FHIT: variants seen among roughly 807,000 people sequenced by gnomAD.
The protein encoded by FHIT is bis(5'-adenosyl)-triphosphatase.
FHIT carries 19 observed loss-of-function variants against 17.9 expected under a neutral mutation model. The observed-to-expected ratio is 1.06, with a 90% CI of 0.74 to 1.56. The LOEUF is 1.56. FHIT is among the 40% of genes most tolerant of loss of function. The pLI is 0.00. For missense variants in FHIT, 248 were observed against 189.2 expected, an observed-to-expected ratio of 1.31 and a Z score of -1.82; for synonymous variants, 81 against 69.7, an observed-to-expected ratio of 1.16 and a Z score of -0.81.
chr3:61,187,691 C>T (rs1576174884), intron 2 of FHIT, among the ~76,000 whole-genome samples: 1 of 152,196 alleles, frequency 6.6e-6, no homozygotes, highest in East Asian at 1.9e-4. Context: ...GTAAAGCTCT[C>T]CTCAGCAAAT....
intron 5 of FHIT, among the ~76,000 whole-genome samples, chr3:60,494,594 C>G (rs963014247): frequency 1.3e-5 from 2 of 152,006 alleles, no homozygotes; most frequent in Admixed American, 6.6e-5. Flanking sequence ...ACTCATTAAC[C>G]ATACCCACAC....
intron 8 of FHIT, among the ~76,000 whole-genome samples, chr3:59,869,612 G>C (rs1702825597): frequency 2.0e-5 from 3 of 149,270 alleles, no homozygotes; most frequent in South Asian, 4.3e-4. Flanking sequence ...CTCCCTAGTA[G>C]CTGGGACTAC....
At chr3:59,872,331 C>G (rs888288384) in intron 8 of FHIT, among the ~76,000 whole-genome samples, 1 of 152,158 alleles carries the variant, frequency 6.6e-6, no homozygotes, top group East Asian at 1.9e-4. Flanking sequence ...TCACAACATA[C>G]TGAGTTCATG....
At chr3:60,418,528 G>A (rs1702349717) in intron 5 of FHIT, among the ~76,000 whole-genome samples, 1 of 137,082 alleles carries the variant, frequency 7.3e-6, no homozygotes, top group South Asian at 2.4e-4. Context: ...ACAGTTAACT[G>A]AAAGTCAACT....
In FHIT at chr3:60,690,265, G is replaced by C. The variant is rs1302572194; in HGVS notation, c.-18+131654C>G. 3 of 547,312 alleles carry C rather than the reference G, an allele frequency of 5.5e-6. No homozygotes were observed. The East Asian group carries it at 1.4e-4, about 25-fold the overall frequency. The allele number at this position is 547,312 out of a possible 1,614,324, so 33.9% of individuals were successfully genotyped here. ...GTCAGCAATAGTGACCTTCTTGCTA[G>C]TCTTGCCATTCCTGAACACAAAGCG... On this transcript the variant is annotated intron_variant, in intron 4 of 9. Coordinates refer to ENST00000492590, the MANE Select transcript of FHIT (RefSeq NM_002012.4).
chr3:60,174,199 C>T (rs553168095), intron 5 of FHIT, among the ~76,000 whole-genome samples: 3 of 151,576 alleles, frequency 2.0e-5, no homozygotes, highest in Admixed American at 6.6e-5. Flanking sequence ...CGTGAGCCAC[C>T]GTGCCTGGCC....
chr3:59,985,757 G>C (rs1255593931), intron 7 of FHIT, among the ~76,000 whole-genome samples: 1 of 152,236 alleles, frequency 6.6e-6, no homozygotes, highest in East Asian at 1.9e-4. Flanking sequence ...GCCCTTAAGA[G>C]ACATTATTAA....
intron 4 of FHIT, among the ~76,000 whole-genome samples, chr3:60,773,405 A>G (rs2108078867): frequency 6.6e-6 from 1 of 152,336 alleles, no homozygotes. Flanking sequence ...CCGTCAATGC[A>G]ATTTTCTTGA....
chr3:59,862,470 A>G (rs1436859236), intron 8 of FHIT, among the ~76,000 whole-genome samples: 1 of 152,168 alleles, frequency 6.6e-6, no homozygotes, highest in Non-Finnish European at 1.5e-5. Flanking sequence ...ACCAATGACC[A>G]TCCAGCAAGA....
intron 4 of FHIT, among the ~76,000 whole-genome samples, chr3:60,597,808 T>G (rs1553667178): frequency 1.3e-5 from 2 of 152,132 alleles, no homozygotes; most frequent in African/African-American, 4.8e-5. Flanking sequence ...AAGTTCAAAA[T>G]GACCAAGCTA....
At chr3:60,470,539 G>A (rs1306976878) in intron 5 of FHIT, among the ~76,000 whole-genome samples, 9 of 151,846 alleles carry the variant, frequency 5.9e-5, no homozygotes, top group African/African-American at 1.5e-4. Flanking sequence ...ACATTCACTC[G>A]AGGTCCAAGG....
At chr3:60,489,201 C>T (rs391000) in intron 5 of FHIT, among the ~76,000 whole-genome samples, 6,705 of 152,172 alleles carry the variant, frequency 0.044, 189 homozygotes, top group Middle Eastern at 0.11. Flanking sequence ...AGTACCTATT[C>T]GTTTTACTCA....
chr3:60,331,265 A>G (rs932864201), intron 5 of FHIT, among the ~76,000 whole-genome samples: 1 of 151,954 alleles, frequency 6.6e-6, no homozygotes. Context: ...TGCACCTCTC[A>G]GTGCCCTTTC....
At chr3:60,864,044 G>T (rs1453858083) in intron 3 of FHIT, among the ~76,000 whole-genome samples, 1 of 152,148 alleles carries the variant, frequency 6.6e-6, no homozygotes, top group African/African-American at 2.4e-5. Context: ...TGAAGGAGGA[G>T]CAAAGGTACA....
chr3:60,468,984 A>G (rs1392038311), intron 5 of FHIT, among the ~76,000 whole-genome samples: 1 of 152,148 alleles, frequency 6.6e-6, no homozygotes, highest in Non-Finnish European at 1.5e-5. Flanking sequence ...TACTTTAAAT[A>G]TGTAATATCA....
intron 5 of FHIT, among the ~76,000 whole-genome samples, chr3:60,169,327 C>G (rs993014633): frequency 2.6e-5 from 4 of 152,104 alleles, no homozygotes; most frequent in Admixed American, 2.0e-4. Context: ...TGTGGTTATT[C>G]CGGGCTCCAC....
intron 7 of FHIT, among the ~76,000 whole-genome samples, chr3:59,942,505 G>GTC (rs1459700002): frequency 3.3e-5 from 5 of 152,144 alleles, no homozygotes; most frequent in Admixed American, 6.5e-5. Context: ...ACAGAACAAA[G>GTC]GCTTTGCATT....
At chr3:60,277,855 C>T (rs1707231749) in intron 5 of FHIT, among the ~76,000 whole-genome samples, 1 of 152,156 alleles carries the variant, frequency 6.6e-6, no homozygotes, top group Middle Eastern at 3.4e-3. Flanking sequence ...TGACAAATCT[C>T]GGATATTATC....
At chr3:61,134,021 G>A (rs889159776) in intron 2 of FHIT, among the ~76,000 whole-genome samples, 5 of 151,688 alleles carry the variant, frequency 3.3e-5, no homozygotes, top group East Asian at 3.9e-4. Context: ...CTCGGGAGGC[G>A]GAGGTTGCAG....
Sources: gnomAD v4.1 joint callset for allele counts (sites outside exome capture counted in the v4.1 genomes callset) on GRCh38, gnomAD v4.1.1 for gene constraint, MANE v1.5 for transcripts, NCBI Gene and HGNC (gene_info 2026-07-23, HGNC 2026-07-21) for gene names.